OGN: variants seen among roughly 807,000 people sequenced by gnomAD.
OGN encodes the protein osteoglycin, also known as mimecan.
OGN carries 19 observed loss-of-function variants against 30.8 expected under a neutral mutation model. The observed-to-expected ratio is 0.62, with a 90% CI of 0.43 to 0.90. OGN has a LOEUF of 0.90. Among genes scored for constraint, OGN ranks in the 40% least tolerant of loss-of-function variants. The pLI, the probability that OGN is intolerant of heterozygous loss-of-function variation, is 0.00. For synonymous variants in OGN, 126 were observed against 128.3 expected, an observed-to-expected ratio of 0.98 and a Z score of 0.12; for missense variants, 283 against 349.7, an observed-to-expected ratio of 0.81 and a Z score of 1.52.
chr9:92,392,620 G>T (rs574074250), intron 4 of OGN, among the ~76,000 whole-genome samples: 1 of 151,352 alleles, frequency 6.6e-6, no homozygotes, highest in Non-Finnish European at 1.5e-5. Context: ...ATGTCGGGTT[G>T]GGGGGAGGGG....
At chr9:92,396,315 T>G (rs1564297546) in intron 3 of OGN, among the ~76,000 whole-genome samples, 1 of 152,096 alleles carries the variant, frequency 6.6e-6, no homozygotes, top group East Asian at 1.9e-4. Flanking sequence ...TTCTTCAATG[T>G]TGTTAGACTA....
At chr9:92,393,441 T>C (rs1462575315) in intron 3 of OGN, among the ~76,000 whole-genome samples, 197 bp from the exon 4 acceptor site, 1 of 152,220 alleles carries the variant, frequency 6.6e-6, no homozygotes, top group Non-Finnish European at 1.5e-5. Flanking sequence ...GAGAATCTCT[T>C]TTTATTTTGT....
At position 92,385,506 on chromosome 9, in the gene OGN, C is replaced by T. The variant is rs1011260771; in HGVS notation, c.*114G>A. 2.2e-6 allele frequency: 2 copies of T among 892,422 alleles called. No homozygotes were observed. Among genetic ancestry groups the T allele is most frequent in the East Asian group, 2.6e-5 (1 of 38,262 alleles). The allele number at this position is 892,422 out of a possible 1,614,324, so 55.3% of individuals were successfully genotyped here. On this transcript the variant is annotated 3_prime_UTR_variant, in exon 7 of 7. Coordinates refer to ENST00000375561, the MANE Select transcript of OGN (RefSeq NM_014057.5). ...CATCCTTGCTTAAAATATTAAATTC[C>T]TTCAAAATGAGATACAAGGTTAATA... is the stretch of plus-strand genomic sequence containing the variant.
intron 5 of OGN, 36 bp downstream of exon 5, chr9:92,389,818 C>T (rs1413179702): frequency 1.1e-5 from 16 of 1,392,874 alleles, no homozygotes; most frequent in Non-Finnish European, 1.6e-5. Flanking sequence ...CATATCATCA[C>T]TCATACTATG....
At position 92,403,381 on chromosome 9, in the gene OGN, G is replaced by A. The variant is rs901838901; in HGVS notation, c.27C>T (p.Leu9=). MKTLQSTL[L]LLLLVPLIKP... The stretch of plus-strand genomic sequence containing the variant: ...TTATCAGAGGCACAAGCAGTAACAG[G>A]AGAAGTGTAGACTGCAGAGTCTTCA... Residue 9 remains leucine, a synonymous_variant, in exon 2 of 7, where the codon CTC becomes CTT. Transcript: ENST00000375561. 1.2e-5 allele frequency: 20 copies of A among 1,612,776 alleles called. No individual in the cohort carries two copies. The highest frequency in any genetic ancestry group is 1.2e-4 in the Admixed American group (7 of 59,910).
chr9:92,394,180 T>C (rs1363151238), intron 3 of OGN, among the ~76,000 whole-genome samples: 1 of 151,736 alleles, frequency 6.6e-6, no homozygotes, highest in Non-Finnish European at 1.5e-5. Context: ...TAGTTGGCAC[T>C]CTCTTCTTAT....
At position 92,404,529 on chromosome 9, in the gene OGN, C is replaced by T; in HGVS notation, c.-109G>A. On this transcript the variant is annotated 5_prime_UTR_variant, in exon 1 of 7. Coordinates refer to ENST00000375561, the MANE Select transcript of OGN (RefSeq NM_014057.5). ...CTGTTTTGAAGTTTTTTGTGGTTTT[C>T]CTCAATAGATGTTCATGTCTGTGCA... The T allele has an allele frequency of 7.7e-7, 1 of 1,297,142 alleles. No homozygotes were observed. The highest frequency in any genetic ancestry group is 1.3e-5 in the South Asian group (1 of 77,356). 80.4% of individuals were successfully genotyped at this position (1,297,142 alleles called of 1,614,324 possible).
chr9:92,386,350 G>C, intron 5 of OGN, 54 bp from the exon 6 acceptor site: 2 of 1,123,112 alleles, frequency 1.8e-6, no homozygotes, highest in South Asian at 2.5e-5. Context: ...TTCTTTCACA[G>C]GATTCAAGCA....
rs777501525 is a variant in OGN at position 92,385,717 on chromosome 9, A to G, written c.800T>C (p.Ile267Thr). The change falls in exon 7 of 7, where the codon ATT (isoleucine) becomes ACT (threonine). Residue 267 changes from isoleucine (I) to threonine (T), a missense_variant. Transcript: ENST00000375561. The stretch of plus-strand genomic sequence containing the variant: ...ATTGCCCTCCAGGCGTATCTCTTCA[A>G]TGCGGTCCCGGATGTAACTGGTGTC... ...ANDTSYIRDR[I>T]EEIRLEGNPI... is the part of the protein sequence containing the mutation. The G allele has an allele frequency of 1.2e-5, 19 of 1,614,174 alleles. No homozygotes were observed. Among genetic ancestry groups the G allele is most frequent in the African/African-American group, 5.3e-5 (4 of 75,054 alleles).
At chr9:92,400,239 C>T (rs1180118532) in intron 3 of OGN, among the ~76,000 whole-genome samples, 1 of 152,202 alleles carries the variant, frequency 6.6e-6, no homozygotes, top group African/African-American at 2.4e-5. Flanking sequence ...CAACCTCCAC[C>T]TCCCAGGTTC....
At chr9:92,398,048 C>T (rs942627047) in intron 3 of OGN, among the ~76,000 whole-genome samples, 4 of 152,118 alleles carry the variant, frequency 2.6e-5, no homozygotes, top group African/African-American at 4.8e-5. Flanking sequence ...TCATTATTTA[C>T]GTATATTTAC....
intron 3 of OGN, among the ~76,000 whole-genome samples, chr9:92,396,243 C>T (rs903834781): frequency 6.6e-6 from 1 of 152,144 alleles, no homozygotes; most frequent in Non-Finnish European, 1.5e-5. Flanking sequence ...GCCAATACTG[C>T]AGTGTCTTGA....
At position 92,393,247 on chromosome 9, in the gene OGN, A is replaced by G; in HGVS notation, c.269-3T>C. 1.9e-6 allele frequency: 3 copies of G among 1,562,324 alleles called. No homozygotes were observed. The highest frequency in any genetic ancestry group is 2.3e-5 in the East Asian group (1 of 43,988). On this transcript the variant is annotated splice_region_variant and splice_polypyrimidine_tract_variant and intron_variant, in intron 3 of 6. Transcript: ENST00000375561. ...ACACAGCAGACACGTGGGCATTTCT[A>G]AATTGGGAATAAAATCATAAAAATA...
chr9:92,395,821 T>TG (rs1842870213), intron 3 of OGN, among the ~76,000 whole-genome samples: 1 of 146,782 alleles, frequency 6.8e-6, no homozygotes, highest in Non-Finnish European at 1.5e-5. Flanking sequence ...ATGACTTGTC[T>TG]TTTTTTTTTT....
chr9:92,390,996 G>T (rs1842655432), intron 4 of OGN, among the ~76,000 whole-genome samples: 2 of 152,134 alleles, frequency 1.3e-5, no homozygotes, highest in Non-Finnish European at 2.9e-5. Context: ...CAGGTGTGGT[G>T]GCTTATGCCT....
In OGN at chr9:92,386,246, G is replaced by A. The variant is rs755274588; in HGVS notation, c.681C>T (p.Ser227=). ...GACTTTCTGGTAAATTAAGAGGCACGGATTCCAGGGCATTATGGTCCAAGT... is the reference window on the plus strand; with the variant it reads ...GACTTTCTGGTAAATTAAGAGGCACAGATTCCAGGGCATTATGGTCCAAGT... ...FLYLDHNALE[S]VPLNLPESLR... Residue 227 remains serine, a synonymous_variant, in exon 6 of 7, where the codon TCC becomes TCT. Coordinates refer to ENST00000375561, the MANE Select transcript of OGN (RefSeq NM_014057.5). 1.4e-5 allele frequency: 23 copies of A among 1,613,370 alleles called. No individual in the cohort carries two copies. The highest frequency in any genetic ancestry group is 1.6e-4 in the Middle Eastern group (1 of 6,078).
intron 4 of OGN, among the ~76,000 whole-genome samples, chr9:92,391,355 C>T (rs982241852): frequency 6.6e-6 from 1 of 151,944 alleles, no homozygotes; most frequent in Non-Finnish European, 1.5e-5. Context: ...AGCAGTGAGC[C>T]GAGATGGTGC....
rs1842599673 is a variant in OGN at position 92,389,885 on chromosome 9, T to A, written c.599A>T (p.Lys200Met). The A allele has an allele frequency of 3.1e-6, 5 of 1,612,866 alleles. No homozygotes were observed. The East Asian group carries it at 1.1e-4, about 36-fold the overall frequency. The part of the protein sequence containing the change: ...TLFNAKYNKI[K>M]SRGIKANAFK... ...TGCATTTGCTTTGATTCCCCTACTC[T>A]TGATTTTGTTGTATTTTGCATTAAA... The change falls in exon 5 of 7, where the codon AAG (lysine) becomes ATG (methionine). Residue 200 changes from lysine to methionine, a missense_variant. Physicochemically the swap from Lys to Met is moderately conservative, Grantham distance 95. Coordinates refer to ENST00000375561, the MANE Select transcript of OGN (RefSeq NM_014057.5).
chr9:92,401,124 A>G lies in OGN; in HGVS notation c.236T>C (p.Ile79Thr). Residue 79 changes from isoleucine to threonine, a missense_variant, in exon 3 of 7, where the codon ATA becomes ACA. Transcript: ENST00000375561. ...KSLQLQKDEA[I>T]TPLPPKKEND... ...TTCTTTCTTGGGAGGTAATGGTGTTATTGCCTCATCTTTTTGTAATTGAAG... is the reference window on the plus strand; with the variant it reads ...TTCTTTCTTGGGAGGTAATGGTGTTGTTGCCTCATCTTTTTGTAATTGAAG... 2.6e-6 allele frequency: 4 copies of G among 1,542,182 alleles called. No homozygotes were observed. The highest frequency in any genetic ancestry group is 3.6e-6 in the Non-Finnish European group (4 of 1,116,298).
Sources: gnomAD v4.1 joint callset for allele counts (sites outside exome capture counted in the v4.1 genomes callset) on GRCh38, gnomAD v4.1.1 for gene constraint, MANE v1.5 for transcripts, NCBI Gene and HGNC (gene_info 2026-07-23, HGNC 2026-07-21) for gene names.